The following THSD4 variants were observed in gnomAD, a reference collection of about 807,000 sequenced individuals.
THSD4 encodes thrombospondin type-1 domain-containing protein 4.
A neutral mutation model predicts 119.0 loss-of-function variants in THSD4; 69 were observed. That is an observed-to-expected ratio of 0.58 (90% CI 0.48 to 0.71). The LOEUF (loss-of-function observed/expected upper bound fraction) is 0.71. THSD4 is among the 30% of genes least tolerant of loss of function. The probability of loss-of-function intolerance (pLI) is 0.00; values close to 1 mark genes in which losing one functional copy is unlikely to be tolerated. For synonymous variants in THSD4, 524 were observed against 540.4 expected (o/e 0.97, Z 0.42); for missense variants, 1,393 against 1,391.1 (o/e 1.00, Z -0.02).
At chr15:71,719,487 G>A (rs1208117557) in intron 8 of THSD4, among the ~76,000 whole-genome samples, 6 of 152,120 alleles carry the variant, frequency 3.9e-5, no homozygotes, top group African/African-American at 9.7e-5. Flanking sequence ...ATGCATTACC[G>A]CATGTGTTTG....
chr15:71,401,974 CCAT>C (rs921940605), intron 6 of THSD4, among the ~76,000 whole-genome samples: 5 of 151,970 alleles, frequency 3.3e-5, no homozygotes, highest in African/African-American at 4.8e-5. Context: ...AAGCTGGAAA[CCAT>C]CATTCTGAGC....
chr15:71,522,927 A>G (rs1176509890), intron 7 of THSD4, among the ~76,000 whole-genome samples: 2 of 152,318 alleles, frequency 1.3e-5, no homozygotes, highest in African/African-American at 2.4e-5. Context: ...GAACCACGGC[A>G]AAGGGGCAGC....
intron 3 of THSD4, among the ~76,000 whole-genome samples, chr15:71,209,382 A>G (rs564659492): frequency 6.6e-6 from 1 of 152,368 alleles, no homozygotes; most frequent in Admixed American, 6.5e-5. Flanking sequence ...CATCTGCAAA[A>G]TGGAAATATA....
chr15:71,477,961 A>G (rs1378693041), intron 7 of THSD4, among the ~76,000 whole-genome samples: 1 of 60,760 alleles, frequency 1.6e-5, no homozygotes, highest in Non-Finnish European at 4.1e-5. Context: ...CTGGTCCCCA[A>G]GGATGGGGAG....
chr15:71,434,293 C>T (rs1054201873), intron 7 of THSD4, among the ~76,000 whole-genome samples: 2 of 152,082 alleles, frequency 1.3e-5, no homozygotes, highest in African/African-American at 4.8e-5. Context: ...ATGTAACACA[C>T]ATTATGTACA....
chr15:71,679,207 T>G (rs1192866706), intron 8 of THSD4, among the ~76,000 whole-genome samples: 1 of 152,202 alleles, frequency 6.6e-6, no homozygotes. Flanking sequence ...CCCAGTGCTA[T>G]GGGAGTGCAA....
chr15:71,117,835 T>C (rs2040375625), intron 1 of THSD4, among the ~76,000 whole-genome samples: 1 of 152,194 alleles, frequency 6.6e-6, no homozygotes, highest in African/African-American at 2.4e-5. Flanking sequence ...CAGGGACTGT[T>C]ACTATGTGCC....
chr15:71,220,728 A>T (rs2043968635), intron 4 of THSD4, among the ~76,000 whole-genome samples: 1 of 152,144 alleles, frequency 6.6e-6, no homozygotes, highest in Non-Finnish European at 1.5e-5. Flanking sequence ...GGATCAGGTG[A>T]ACTAGGGCCA....
At chr15:71,317,180 G>A (rs1276119957) in intron 6 of THSD4, among the ~76,000 whole-genome samples, 1 of 152,194 alleles carries the variant, frequency 6.6e-6, no homozygotes, top group African/African-American at 2.4e-5. Context: ...ACATATTTGT[G>A]ATGGAGAGCA....
intron 7 of THSD4, among the ~76,000 whole-genome samples, chr15:71,524,268 G>T (rs1483692849): frequency 6.6e-6 from 1 of 152,242 alleles, no homozygotes; most frequent in Non-Finnish European, 1.5e-5. Flanking sequence ...GTAACTGGCA[G>T]CTGGCAGAAG....
intron 7 of THSD4, among the ~76,000 whole-genome samples, chr15:71,612,016 G>A (rs2050239904): frequency 6.6e-6 from 1 of 152,216 alleles, no homozygotes; most frequent in South Asian, 2.1e-4. Context: ...AATCAGTTGA[G>A]TATTGTGTAC....
chr15:71,693,733 C>T (rs1286132374), intron 8 of THSD4, among the ~76,000 whole-genome samples: 1 of 152,140 alleles, frequency 6.6e-6, no homozygotes, highest in Non-Finnish European at 1.5e-5. Flanking sequence ...ATGCTGTTCT[C>T]ATGGTAATGA....
chr15:71,768,522 T>C (rs912493795), intron 16 of THSD4, among the ~76,000 whole-genome samples: 1 of 151,482 alleles, frequency 6.6e-6, no homozygotes, highest in African/African-American at 2.4e-5. Context: ...GAGAGACTTA[T>C]TGACCAATTG....
At chr15:71,353,250 G>T (rs931999153) in intron 6 of THSD4, among the ~76,000 whole-genome samples, 1 of 152,168 alleles carries the variant, frequency 6.6e-6, no homozygotes, top group South Asian at 2.1e-4. Context: ...AGTGTGGGAT[G>T]AGGAACATAA....
intron 7 of THSD4, among the ~76,000 whole-genome samples, chr15:71,615,030 A>G (rs973874750): frequency 5.3e-5 from 8 of 152,140 alleles, no homozygotes; most frequent in African/African-American, 1.4e-4. Context: ...CTACTGCCCA[A>G]TTTTCAAAAA....
At chr15:71,164,475 A>T (rs2043272948) in intron 3 of THSD4, among the ~76,000 whole-genome samples, 1 of 151,202 alleles carries the variant, frequency 6.6e-6, no homozygotes, top group Non-Finnish European at 1.5e-5. Context: ...TACCATCCCC[A>T]TATATAACTA....
In THSD4 at chr15:71,275,472, G is replaced by A. The variant is rs1023580825; in HGVS notation, c.1015+18757G>A. 1.5e-4 allele frequency among the ~76,000 whole-genome samples: 23 copies of A among 152,162 alleles called. 1 individual carries two copies. The highest frequency in any genetic ancestry group is 5.6e-4 in the African/African-American group (23 of 41,434). ...TTGTTGTACCTTGCATGGACCTTGAGATATTAGTATCTGGTGCATATCAAG... is the reference window on the plus strand; with the variant it reads ...TTGTTGTACCTTGCATGGACCTTGAAATATTAGTATCTGGTGCATATCAAG... On this transcript the variant is annotated intron_variant, in intron 6 of 17. Transcript: ENST00000261862.
chr15:71,486,433 T>G (rs1239037096), intron 7 of THSD4, among the ~76,000 whole-genome samples: 7 of 152,170 alleles, frequency 4.6e-5, no homozygotes, highest in Admixed American at 3.9e-4. Flanking sequence ...AAGTTACATT[T>G]TAGGATACTC....
chr15:71,199,679 T>TGTGATGTGTG lies in THSD4; in HGVS notation c.100-15353_100-15352insATGTGTGGTG, dbSNP rs2043764425. Among the ~76,000 whole-genome samples, 100 of 65,878 alleles carry TGTGATGTGTG rather than the reference T, an allele frequency of 1.5e-3. 6 individuals are homozygous for TGTGATGTGTG. Among genetic ancestry groups the TGTGATGTGTG allele is most frequent in the African/African-American group, 7.7e-3 (97 of 12,588 alleles). The allele number at this position is 65,878 out of a possible 152,430, so 43.2% of individuals were successfully genotyped here. A position where few individuals can be genotyped will look rare whatever the true frequency, so the allele number is the denominator to read the frequency against. The stretch of plus-strand genomic sequence containing the variant: ...GTGTGTGATGCATGTGTGGAGGGTG[T>TGTGATGTGTG]GTGTGTGTGTGGTGTGTGTGGTGTC... On this transcript the variant is annotated intron_variant, in intron 3 of 17. Transcript: ENST00000261862.
Sources: allele counts gnomAD v4.1 joint callset (sites outside exome capture counted in the v4.1 genomes callset), GRCh38; gene constraint gnomAD v4.1.1; transcripts MANE v1.5; gene names NCBI Gene and HGNC (gene_info 2026-07-23, HGNC 2026-07-21).